Variants in MYO16 observed in about 807,000 individuals in gnomAD.
The protein encoded by MYO16 is myosin XVI.
MYO16 carries 94 observed loss-of-function variants against 205.3 expected under a neutral mutation model. The ratio of observed to expected loss-of-function variants is 0.46; its 90% CI spans 0.39 to 0.54. MYO16 has a LOEUF of 0.54. Ranked by LOEUF, MYO16 falls within the 20% of genes least tolerant of loss-of-function variation. The probability of loss-of-function intolerance (pLI) is 0.00; values close to 1 mark genes in which losing one functional copy is unlikely to be tolerated. For synonymous variants in MYO16, 988 were observed against 954.0 expected (o/e 1.04, Z -0.66); for missense variants, 2,315 against 2,387.5 (o/e 0.97, Z 0.63).
In MYO16 at chr13:109,127,175, T is replaced by C; in HGVS notation, c.3783-107T>C. 1.4e-6 allele frequency: 2 copies of C among 1,387,282 alleles called. No homozygotes were observed. Among genetic ancestry groups the C allele is most frequent in the Non-Finnish European group, 1.9e-6 (2 of 1,050,580 alleles). 85.9% of individuals were successfully genotyped at this position (1,387,282 alleles called of 1,614,324 possible). A position where few individuals can be genotyped will look rare whatever the true frequency, so the allele number is the denominator to read the frequency against. Reference sequence around the variant, plus strand: ...CTCCAGCCACAGCAGGAAGGGCTGCTTGCCAAAAAGCCGTCATTATGTCTG... The same window carrying C: ...CTCCAGCCACAGCAGGAAGGGCTGCCTGCCAAAAAGCCGTCATTATGTCTG... On this transcript the variant is annotated intron_variant, in intron 30 of 34. Transcript: ENST00000457511. This position sits in a 1 kb window ranked among gnomAD's most constrained non-coding sequence, Gnocchi z 4.2.
intron 22 of MYO16, among the ~76,000 whole-genome samples, chr13:109,014,300 C>T (rs1276085404): frequency 1.3e-5 from 2 of 152,008 alleles, no homozygotes; most frequent in Admixed American, 1.3e-4. Context: ...TATTTCTGAG[C>T]CTCTGTTCTG....
At chr13:108,916,209 C>T (rs1186470138) in intron 16 of MYO16, among the ~76,000 whole-genome samples, 1 of 152,210 alleles carries the variant, frequency 6.6e-6, no homozygotes, top group African/African-American at 2.4e-5. Flanking sequence ...CAGTCACAGT[C>T]ATGATCAGCA....
intron 16 of MYO16, among the ~76,000 whole-genome samples, chr13:108,955,334 A>G (rs1351252653): frequency 1.3e-5 from 2 of 151,996 alleles, no homozygotes; most frequent in African/African-American, 2.4e-5. Context: ...TGGTGCTTCT[A>G]TCTCAGCAGA....
chr13:108,748,083 A>G (rs1052951087), intron 4 of MYO16, among the ~76,000 whole-genome samples: 1 of 152,094 alleles, frequency 6.6e-6, no homozygotes, highest in Non-Finnish European at 1.5e-5. Flanking sequence ...TGAATAATTC[A>G]TGTCGAGATA....
At chr13:108,727,614 A>G (rs1746705044) in intron 4 of MYO16, 31 bp downstream of exon 4, 1 of 1,589,386 alleles carries the variant, frequency 6.3e-7, no homozygotes, top group South Asian at 1.1e-5. Flanking sequence ...TACCATTTGA[A>G]GATTTGATGG....
At chr13:108,951,046 TTG>T (rs869239369) in intron 16 of MYO16, among the ~76,000 whole-genome samples, 13 of 149,682 alleles carry the variant, frequency 8.7e-5, no homozygotes, top group South Asian at 2.2e-4. Context: ...AAACGTTTTT[TTG>T]TTTTTGTTTT....
chr13:109,096,784 G>A (rs886709505), intron 27 of MYO16, among the ~76,000 whole-genome samples: 1 of 152,134 alleles, frequency 6.6e-6, no homozygotes, highest in Non-Finnish European at 1.5e-5. Flanking sequence ...GTCAGAGTTT[G>A]TAACACAGAA....
chr13:108,640,373 G>A (rs1287468679), intron 1 of MYO16, among the ~76,000 whole-genome samples: 1 of 152,060 alleles, frequency 6.6e-6, no homozygotes, highest in Non-Finnish European at 1.5e-5. Flanking sequence ...GGGGAGAGGA[G>A]GGAGGAGTTC....
chr13:109,124,096 C>T (rs1196167945), intron 29 of MYO16, among the ~76,000 whole-genome samples: 1 of 152,170 alleles, frequency 6.6e-6, no homozygotes, highest in Non-Finnish European at 1.5e-5. Context: ...ACTGTGCTGG[C>T]CTTGTACACA....
intron 5 of MYO16, among the ~76,000 whole-genome samples, chr13:108,788,445 A>G (rs1429883482): frequency 6.6e-6 from 1 of 152,194 alleles, no homozygotes; most frequent in Non-Finnish European, 1.5e-5. Flanking sequence ...CCAGCATGGA[A>G]AGAAAGCACT....
At position 108,844,329 on chromosome 13, in the gene MYO16, T is replaced by A; in HGVS notation, c.1098-14T>A. On this transcript the variant is annotated splice_polypyrimidine_tract_variant and intron_variant, in intron 9 of 34. Transcript: ENST00000457511. ...GAAAGAGACTAATTGTAGTATTGAT[T>A]TTTTTTCCTGTAGCAGTCCCCTGGT... The A allele has an allele frequency of 6.2e-7, 1 of 1,601,282 alleles. No homozygotes were observed. The highest frequency in any genetic ancestry group is 8.5e-7 in the Non-Finnish European group (1 of 1,171,700).
At chr13:108,900,665 CGAG>C (rs1219203673) in intron 15 of MYO16, among the ~76,000 whole-genome samples, 1 of 152,078 alleles carries the variant, frequency 6.6e-6, no homozygotes, top group African/African-American at 2.4e-5. Context: ...CCTACATCTT[CGAG>C]GAGGATGTAG....
chr13:108,798,899 G>A (rs1333762617), intron 6 of MYO16, among the ~76,000 whole-genome samples: 1 of 142,092 alleles, frequency 7.0e-6, no homozygotes, highest in Admixed American at 7.1e-5. Flanking sequence ...TAGAGACGGG[G>A]TTTCACCTTG....
At chr13:108,890,592 C>T (rs1371395952) in intron 14 of MYO16, among the ~76,000 whole-genome samples, 1 of 152,174 alleles carries the variant, frequency 6.6e-6, no homozygotes, top group Non-Finnish European at 1.5e-5. Flanking sequence ...CTTCTCATCA[C>T]AGTTATGGGC....
chr13:109,143,785 AT>A (rs1877205997), intron 32 of MYO16, among the ~76,000 whole-genome samples: 1 of 152,254 alleles, frequency 6.6e-6, no homozygotes, highest in African/African-American at 2.4e-5. Flanking sequence ...TTCAACTATA[AT>A]TATAAGACTC....
Position 108,962,496 on chromosome 13 carries a change from G to A in MYO16, c.2227+1G>A. 6.4e-7 allele frequency: 1 copy of A among 1,568,290 alleles called. No individual in the cohort carries two copies. Among genetic ancestry groups the A allele is most frequent in the Non-Finnish European group, 8.6e-7 (1 of 1,158,950 alleles). On this transcript the variant is annotated splice_donor_variant, in intron 19 of 34. Transcript: ENST00000457511. LOFTEE classifies it high-confidence loss of function. ...ACAACTGATATTCAATATTTTAAAGGTAATTTTTTTATGCTCTAACATCTT... is the reference window on the plus strand; with the variant it reads ...ACAACTGATATTCAATATTTTAAAGATAATTTTTTTATGCTCTAACATCTT...
chr13:108,781,074 T>C (rs1314790628), intron 4 of MYO16, among the ~76,000 whole-genome samples: 1 of 152,244 alleles, frequency 6.6e-6, no homozygotes, highest in Non-Finnish European at 1.5e-5. Context: ...TTTGTTTTGT[T>C]GTAATTAAGA....
At chr13:108,950,432 G>A (rs905241662) in intron 16 of MYO16, among the ~76,000 whole-genome samples, 3 of 152,164 alleles carry the variant, frequency 2.0e-5, no homozygotes, top group Non-Finnish European at 2.9e-5. Context: ...ACATAAGCAT[G>A]TGGAAAGGTG....
At chr13:109,169,350 G>A (rs575251280) in intron 33 of MYO16, among the ~76,000 whole-genome samples, 15 of 143,050 alleles carry the variant, frequency 1.0e-4, no homozygotes, top group African/African-American at 3.6e-4. Flanking sequence ...AAGAACATAA[G>A]TTATTGAAAT....
Sources: allele counts gnomAD v4.1 joint callset (sites outside exome capture counted in the v4.1 genomes callset), GRCh38; gene constraint gnomAD v4.1.1; non-coding constraint Gnocchi (gnomAD v3.1); transcripts MANE v1.5; gene names NCBI Gene and HGNC (gene_info 2026-07-23, HGNC 2026-07-21).